NTN1: variants seen among roughly 807,000 people sequenced by gnomAD.
NTN1 encodes netrin-1.
A neutral mutation model predicts 54.2 loss-of-function variants in NTN1; 11 were observed. The ratio of observed to expected loss-of-function variants is 0.20; its 90% CI spans 0.13 to 0.34. NTN1 has a LOEUF of 0.34. NTN1 is among the 10% of genes least tolerant of loss of function. The pLI is 1.00. For missense variants in NTN1, 740 were observed against 893.1 expected, an observed-to-expected ratio of 0.83 and a Z score of 2.18; for synonymous variants, 371 against 382.0, an observed-to-expected ratio of 0.97 and a Z score of 0.33.
intron 5 of NTN1, among the ~76,000 whole-genome samples, chr17:9,202,967 G>T (rs771400960): frequency 6.6e-6 from 1 of 152,024 alleles, no homozygotes; most frequent in Non-Finnish European, 1.5e-5. Context: ...TGTCGGCCAG[G>T]CTAGAGTGCA....
chr17:9,094,745 C>T (rs923831085), intron 2 of NTN1, among the ~76,000 whole-genome samples: 1 of 151,966 alleles, frequency 6.6e-6, no homozygotes, highest in Non-Finnish European at 1.5e-5. Context: ...AATCCCAGCA[C>T]TTTGGAAGGC....
At chr17:9,214,984 A>AT (rs1905184386) in intron 5 of NTN1, among the ~76,000 whole-genome samples, 2 of 151,142 alleles carry the variant, frequency 1.3e-5, no homozygotes, top group African/African-American at 4.9e-5. Flanking sequence ...TATATTTTTC[A>AT]TTTTTTCTGT....
chr17:9,094,058 A>G (rs968359824), intron 2 of NTN1, among the ~76,000 whole-genome samples: 1 of 152,222 alleles, frequency 6.6e-6, no homozygotes, highest in Admixed American at 6.5e-5. Flanking sequence ...CATACTATTT[A>G]CATTTTGTTA....
At chr17:9,203,766 G>A (rs571779288) in intron 5 of NTN1, among the ~76,000 whole-genome samples, 34 of 152,150 alleles carry the variant, frequency 2.2e-4, no homozygotes, top group African/African-American at 7.5e-4. Flanking sequence ...TCATGCCACC[G>A]CACTCCAGCC....
chr17:9,181,135 T>C (rs534181082), intron 4 of NTN1, among the ~76,000 whole-genome samples: 89 of 152,260 alleles, frequency 5.8e-4, no homozygotes, highest in African/African-American at 2.1e-3. Context: ...GGAACTCTCA[T>C]TTCCCAGCCT....
intron 2 of NTN1, among the ~76,000 whole-genome samples, chr17:9,028,164 A>G (rs1022515509): frequency 1.3e-5 from 2 of 152,098 alleles, no homozygotes; most frequent in Non-Finnish European, 2.9e-5. Flanking sequence ...CCTAGTGTTC[A>G]CTATCCCTTT....
chr17:9,021,502 C>G (rs2091847566), upstream of NTN1: 1 of 152,010 alleles, frequency 6.6e-6, no homozygotes. Flanking sequence ...CGCTCCCCTC[C>G]GCCCCTCACT....
chr17:9,222,735 A>G (rs1473561480), intron 6 of NTN1, among the ~76,000 whole-genome samples: 1 of 152,172 alleles, frequency 6.6e-6, no homozygotes, highest in African/African-American at 2.4e-5. Context: ...CCCAGACCTC[A>G]TGGAGATCCT....
At position 9,219,248 on chromosome 17, in the gene NTN1, C is replaced by T. The variant is rs1905278413; in HGVS notation, c.1412-1920C>T. ...GTCACTTTCATCCCAACCTCTCAGG[C>T]TTGGCCACAGTAGAGTGAGGGCCAC... On this transcript the variant is annotated intron_variant, in intron 5 of 6. Coordinates refer to ENST00000173229, the MANE Select transcript of NTN1 (RefSeq NM_004822.3). This position sits in a 1 kb window ranked among gnomAD's most constrained non-coding sequence, Gnocchi z 4.5. Among the ~76,000 whole-genome samples the T allele has an allele frequency of 6.6e-6, 1 of 152,176 alleles. No homozygotes were observed. Among genetic ancestry groups the T allele is most frequent in the Non-Finnish European group, 1.5e-5 (1 of 68,040 alleles).
chr17:9,130,014 A>C (rs948150999), intron 2 of NTN1, among the ~76,000 whole-genome samples: 2 of 152,122 alleles, frequency 1.3e-5, no homozygotes, highest in African/African-American at 4.8e-5. Flanking sequence ...TCTTGTTGGC[A>C]TGTTGGTGAT....
chr17:9,040,903 C>T (rs117766280), intron 2 of NTN1, among the ~76,000 whole-genome samples: 1,568 of 152,122 alleles, frequency 0.01, 12 homozygotes, highest in Non-Finnish European at 0.015. Flanking sequence ...CCTCAACCTC[C>T]TGGGCTAAAG....
chr17:9,105,914 T>TA (rs994661020), intron 2 of NTN1, among the ~76,000 whole-genome samples: 132 of 145,838 alleles, frequency 9.1e-4, no homozygotes, highest in South Asian at 1.1e-3. Flanking sequence ...TATTCCGATT[T>TA]AAAAAAAAAA....
chr17:9,104,818 C>A (rs1043826612), intron 2 of NTN1, among the ~76,000 whole-genome samples: 2 of 152,220 alleles, frequency 1.3e-5, no homozygotes, highest in Non-Finnish European at 2.9e-5. Flanking sequence ...GGATTTCCCA[C>A]GTGGGCTTTA....
intron 2 of NTN1, among the ~76,000 whole-genome samples, chr17:9,156,435 T>C (rs1388931002): frequency 6.6e-6 from 1 of 152,128 alleles, no homozygotes; most frequent in Non-Finnish European, 1.5e-5. Flanking sequence ...GAGAAGCCCC[T>C]GGGCCATGTG....
intron 6 of NTN1, among the ~76,000 whole-genome samples, chr17:9,228,910 G>GATTGTGTC (rs71135956): frequency 1.5e-5 from 2 of 135,160 alleles, no homozygotes; most frequent in Non-Finnish European, 3.1e-5. Flanking sequence ...GTTCGTGACT[G>GATTGTGTC]TGTGTGACTG....
intron 2 of NTN1, among the ~76,000 whole-genome samples, chr17:9,134,657 T>C (rs996120178): frequency 3.3e-5 from 5 of 152,206 alleles, no homozygotes; most frequent in Non-Finnish European, 7.3e-5. Flanking sequence ...TGGGCGGCCC[T>C]GAGCTTTCAG....
chr17:9,226,516 G>GC (rs201828100), intron 6 of NTN1, among the ~76,000 whole-genome samples: 676 of 34,590 alleles, frequency 0.02, 22 homozygotes, highest in Admixed American at 0.03. Context: ...TCGTGGGGAG[G>GC]TGGTCTCGTG....
rs149225842 is a variant in NTN1, at chr17:9,211,557, G to A, written c.1412-9611G>A. On this transcript the variant is annotated intron_variant, in intron 5 of 6. Coordinates refer to ENST00000173229, the MANE Select transcript of NTN1 (RefSeq NM_004822.3). This position sits in a 1 kb window ranked among gnomAD's most constrained non-coding sequence, Gnocchi z 4.4. ...GTGGGAAGTGCTTCATCAAACGTTC[G>A]AATGAATGGATGATAAATTCCTAGA... Among the ~76,000 whole-genome samples, 2,545 of 152,254 alleles carry A rather than the reference G, an allele frequency of 0.017. 37 individuals carry two copies. Among genetic ancestry groups the A allele is most frequent in the Middle Eastern group, 0.031 (9 of 294 alleles).
At chr17:9,150,072 G>C (rs2092323027) in intron 2 of NTN1, among the ~76,000 whole-genome samples, 1 of 152,104 alleles carries the variant, frequency 6.6e-6, no homozygotes, top group South Asian at 2.1e-4. Context: ...CATGGTGGCG[G>C]GCGCCTGTAA....
Sources: allele counts gnomAD v4.1 joint callset (sites outside exome capture counted in the v4.1 genomes callset), GRCh38; gene constraint gnomAD v4.1.1; non-coding constraint Gnocchi (gnomAD v3.1); transcripts MANE v1.5; gene names NCBI Gene and HGNC (gene_info 2026-07-23, HGNC 2026-07-21).